ARHGAP22: variants seen among roughly 807,000 people sequenced by gnomAD.
ARHGAP22 encodes the protein Rho GTPase activating protein 22, also known as rho GTPase-activating protein 22.
Under a neutral mutation model 59.1 loss-of-function variants are expected in ARHGAP22, and 48 were observed. The observed-to-expected ratio is 0.81, with a 90% CI of 0.64 to 1.03. The LOEUF (loss-of-function observed/expected upper bound fraction) is 1.03. Among genes scored for constraint, ARHGAP22 ranks in the 50% least tolerant of loss-of-function variants. The pLI is 0.00. For missense variants in ARHGAP22, 1,015 were observed against 958.7 expected (o/e 1.06, Z -0.78); for synonymous variants, 445 against 416.4 (o/e 1.07, Z -0.84).
At chr10:48,555,774 T>C (rs774124111) in intron 2 of ARHGAP22, among the ~76,000 whole-genome samples, 16 of 152,128 alleles carry the variant, frequency 1.1e-4, no homozygotes, top group Non-Finnish European at 1.6e-4. Flanking sequence ...GCATACATGA[T>C]TGGAGGAGCT....
chr10:48,471,522 C>T (rs1038678953), intron 4 of ARHGAP22, among the ~76,000 whole-genome samples: 1 of 152,198 alleles, frequency 6.6e-6, no homozygotes, highest in African/African-American at 2.4e-5. Context: ...CTCATAGACA[C>T]CTCAAACCTA....
downstream of ARHGAP22, among the ~76,000 whole-genome samples, chr10:48,442,320 G>A (rs2045221702): frequency 6.6e-6 from 1 of 152,214 alleles, no homozygotes; most frequent in Admixed American, 6.5e-5. Context: ...GGTGGCAAGT[G>A]CTCGGTGAGT....
intron 3 of ARHGAP22, among the ~76,000 whole-genome samples, chr10:48,550,624 A>G (rs1432716826): frequency 6.6e-6 from 1 of 152,246 alleles, no homozygotes; most frequent in Non-Finnish European, 1.5e-5. Context: ...TGGCGAAACC[A>G]TGAAATAGGA....
chr10:48,464,809 G>A (rs957881186), intron 4 of ARHGAP22, among the ~76,000 whole-genome samples: 1 of 152,106 alleles, frequency 6.6e-6, no homozygotes, highest in Non-Finnish European at 1.5e-5. Flanking sequence ...CTGTCTTTAG[G>A]GGGTGCTATG....
chr10:48,506,689 C>A (rs908468818), intron 3 of ARHGAP22, among the ~76,000 whole-genome samples: 1 of 152,070 alleles, frequency 6.6e-6, no homozygotes, highest in African/African-American at 2.4e-5. Context: ...AGTGCATGCG[C>A]CCCCACCAAG....
At chr10:48,445,375 G>A (rs1229898969), downstream of ARHGAP22, 1 of 152,356 alleles carries the variant, frequency 6.6e-6, no homozygotes, top group East Asian at 1.9e-4. Flanking sequence ...GAAGACAGTG[G>A]TCTGACACTG....
chr10:48,623,934 A>T, intron 1 of ARHGAP22: 1 of 152,244 alleles, frequency 6.6e-6, no homozygotes, highest in East Asian at 1.9e-4. Context: ...GTGAAACTAA[A>T]TTCCTTAAAA....
At chr10:48,456,835 C>A (rs2046567982) in intron 5 of ARHGAP22, among the ~76,000 whole-genome samples, 1 of 140,448 alleles carries the variant, frequency 7.1e-6, no homozygotes, top group South Asian at 2.7e-4. Flanking sequence ...CTCCCTCCTT[C>A]CCCACTGCAG....
upstream of ARHGAP22, among the ~76,000 whole-genome samples, chr10:48,655,262 G>C (rs1301400015): frequency 2.7e-3 from 383 of 140,096 alleles, 10 homozygotes; most frequent in East Asian, 0.021. Flanking sequence ...TGTGTGGGGG[G>C]GGGGGGGGGC....
chr10:48,550,236 C>T (rs941626748), intron 3 of ARHGAP22, among the ~76,000 whole-genome samples: 2 of 152,248 alleles, frequency 1.3e-5, no homozygotes, highest in Non-Finnish European at 2.9e-5. Context: ...CCTCCAGGCT[C>T]ACACAATTGC....
At chr10:48,589,497 G>T (rs1351667358) in intron 1 of ARHGAP22, among the ~76,000 whole-genome samples, 1 of 152,144 alleles carries the variant, frequency 6.6e-6, no homozygotes, top group African/African-American at 2.4e-5. Flanking sequence ...GGACACTCCA[G>T]AGAAATGTCT....
chr10:48,479,587 C>T, intron 4 of ARHGAP22, 49 bp downstream of exon 4: 1 of 1,613,372 alleles, frequency 6.2e-7, no homozygotes, highest in East Asian at 2.2e-5. Flanking sequence ...GGCATGATTA[C>T]CTGGAGGCAA....
chr10:48,570,479 C>T lies in ARHGAP22; in HGVS notation c.234+12474G>A, dbSNP rs75012149. 6.4e-3 allele frequency among the ~76,000 whole-genome samples: 977 copies of T among 152,316 alleles called. 10 individuals are homozygous for T. Among genetic ancestry groups the T allele is most frequent in the African/African-American group, 0.023 (937 of 41,566 alleles). ...GCTGCAGAAGACACTTTTCAATCAT[C>T]GCTGGCTTATCCTGGGGCAGAGAGG... On this transcript the variant is annotated intron_variant, in intron 2 of 9. Transcript: ENST00000249601.
At chr10:48,474,909 A>C (rs1025172396) in intron 4 of ARHGAP22, among the ~76,000 whole-genome samples, 4 of 152,102 alleles carry the variant, frequency 2.6e-5, no homozygotes, top group African/African-American at 9.7e-5. Flanking sequence ...TTCCAGCAAT[A>C]ATTCTCTGTC....
intron 1 of ARHGAP22, among the ~76,000 whole-genome samples, chr10:48,622,171 T>C (rs975423585): frequency 4.6e-5 from 7 of 152,240 alleles, no homozygotes; most frequent in Non-Finnish European, 4.4e-5. Flanking sequence ...GGACTTACTT[T>C]TGTTATTTTG....
chr10:48,572,601 G>A lies in ARHGAP22; in HGVS notation c.234+10352C>T, dbSNP rs554255843. ...TAATATGGATGTTCAGTAGGCATGA[G>A]TCAGGACCCTCTTTGTGAATATTCA... On this transcript the variant is annotated intron_variant, in intron 2 of 9. Transcript: ENST00000249601. Among the ~76,000 whole-genome samples the A allele has an allele frequency of 2.0e-5, 3 of 152,262 alleles. No individual in the cohort carries two copies. The East Asian group carries it at 5.8e-4, about 29-fold the overall frequency.
chr10:48,620,713 T>C (rs1489186790), intron 1 of ARHGAP22, among the ~76,000 whole-genome samples: 2 of 151,998 alleles, frequency 1.3e-5, no homozygotes, highest in Non-Finnish European at 2.9e-5. Flanking sequence ...AGAGAGGAAA[T>C]GTTAGTTCTC....
chr10:48,528,581 G>A (rs1425068645), intron 3 of ARHGAP22, among the ~76,000 whole-genome samples: 1 of 152,178 alleles, frequency 6.6e-6, no homozygotes, highest in African/African-American at 2.4e-5. Flanking sequence ...AGCACCTTAG[G>A]GGACAGCACA....
chr10:48,453,780 G>A (rs1257631003), intron 7 of ARHGAP22, among the ~76,000 whole-genome samples: 1 of 152,224 alleles, frequency 6.6e-6, no homozygotes, highest in Non-Finnish European at 1.5e-5. Flanking sequence ...AAGGGTTGGG[G>A]TCAAGGGGCA....
Sources: allele counts gnomAD v4.1 joint callset (sites outside exome capture counted in the v4.1 genomes callset), GRCh38; gene constraint gnomAD v4.1.1; transcripts MANE v1.5; gene names NCBI Gene and HGNC (gene_info 2026-07-23, HGNC 2026-07-21).